SLC24A2: variants seen among roughly 807,000 people sequenced by gnomAD.
The protein encoded by SLC24A2 is solute carrier family 24 member 2, also known as sodium/potassium/calcium exchanger 2.
SLC24A2 carries 36 observed loss-of-function variants against 62.0 expected under a neutral mutation model. That is an observed-to-expected ratio of 0.58 (90% CI 0.44 to 0.77). The LOEUF (loss-of-function observed/expected upper bound fraction) is 0.77, where lower values mean the gene tolerates loss of function less well. Ranked by LOEUF, SLC24A2 falls within the 30% of genes least tolerant of loss-of-function variation. SLC24A2 has a pLI of 0.00. For synonymous variants in SLC24A2, 358 were observed against 294.0 expected (o/e 1.22, Z -2.23); for missense variants, 846 against 817.9 (o/e 1.03, Z -0.42).
chr9:19,658,014 G>A (rs1818990558), intron 2 of SLC24A2, among the ~76,000 whole-genome samples: 2 of 152,172 alleles, frequency 1.3e-5, no homozygotes, highest in Admixed American at 1.3e-4. Flanking sequence ...TGTCCTGCTA[G>A]ACTGTGAGTT....
chr9:20,073,647 T>C, the SLC24A2 span, among the ~76,000 whole-genome samples: 4 of 152,090 alleles, frequency 2.6e-5, no homozygotes, highest in Non-Finnish European at 5.9e-5. Flanking sequence ...TATTAATATG[T>C]GTATATTTAA....
chr9:19,717,974 CTTTTTTTTTT>C (rs373497951), intron 2 of SLC24A2, among the ~76,000 whole-genome samples: 2 of 135,282 alleles, frequency 1.5e-5, no homozygotes, highest in Non-Finnish European at 3.2e-5. Context: ...TGATTTAAAA[CTTTTTTTTTT>C]TTTTTTTTTT....
At chr9:20,062,790 T>G in the SLC24A2 span, among the ~76,000 whole-genome samples, 3 of 128,076 alleles carry the variant, frequency 2.3e-5, no homozygotes, top group Admixed American at 2.7e-4. Flanking sequence ...CAAACAAATT[T>G]ACAAGAAAAA....
At chr9:20,023,824 G>A in the SLC24A2 span, among the ~76,000 whole-genome samples, 3 of 152,126 alleles carry the variant, frequency 2.0e-5, no homozygotes, top group Non-Finnish European at 2.9e-5. Flanking sequence ...CTAGAAGAAG[G>A]CAAATGGTTC....
At chr9:19,781,709 A>T (rs905889243) in intron 2 of SLC24A2, among the ~76,000 whole-genome samples, 1 of 152,246 alleles carries the variant, frequency 6.6e-6, no homozygotes, top group Non-Finnish European at 1.5e-5. Context: ...TAAGAAATAC[A>T]GAGAATTAGT....
At chr9:19,947,848 G>GAAAGAAAGAAATAAAT in the SLC24A2 span, among the ~76,000 whole-genome samples, 10 of 145,450 alleles carry the variant, frequency 6.9e-5, no homozygotes, top group South Asian at 2.3e-4. Context: ...AAGAAAGAAA[G>GAAAGAAAGAAATAAAT]AAATTAGTTC....
the SLC24A2 span, among the ~76,000 whole-genome samples, chr9:20,269,384 C>T: frequency 1.3e-5 from 2 of 152,096 alleles, no homozygotes; most frequent in Admixed American, 6.5e-5. Flanking sequence ...AATCCAAATC[C>T]CCAGTGCCTC....
the SLC24A2 span, among the ~76,000 whole-genome samples, chr9:20,111,378 G>A: frequency 3.3e-5 from 5 of 152,082 alleles, no homozygotes; most frequent in African/African-American, 1.2e-4. Flanking sequence ...TGCCTCTTGA[G>A]ATCTAGGGTT....
intron 4 of SLC24A2, among the ~76,000 whole-genome samples, chr9:19,605,275 A>G (rs183091492): frequency 2.8e-4 from 42 of 152,324 alleles, no homozygotes; most frequent in Admixed American, 2.2e-3. Context: ...TTTTTTATCA[A>G]TATATTGGAA....
the SLC24A2 span, among the ~76,000 whole-genome samples, chr9:20,023,770 T>TA: frequency 7.9e-4 from 120 of 152,232 alleles, no homozygotes; most frequent in African/African-American, 2.9e-3. Context: ...GCTGTTCCTC[T>TA]AAAACAAACT....
chr9:20,101,206 A>G, the SLC24A2 span, among the ~76,000 whole-genome samples: 2 of 152,234 alleles, frequency 1.3e-5, no homozygotes, highest in Non-Finnish European at 2.9e-5. Context: ...TTTTCTGTAA[A>G]TATGTCTGAA....
At chr9:19,576,804 G>T in intron 6 of SLC24A2, 120 bp downstream of exon 6, 1 of 708,572 alleles carries the variant, frequency 1.4e-6, no homozygotes, top group Non-Finnish European at 2.5e-6. Context: ...CACAGGGAAG[G>T]GCTGTGCTGC....
At chr9:19,778,033 T>C (rs1351283077) in intron 2 of SLC24A2, among the ~76,000 whole-genome samples, 4 of 152,214 alleles carry the variant, frequency 2.6e-5, no homozygotes, top group Admixed American at 2.6e-4. Flanking sequence ...GAAACTTTAC[T>C]ATGATGGTCA....
At chr9:20,198,882 T>A in the SLC24A2 span, among the ~76,000 whole-genome samples, 55 of 152,198 alleles carry the variant, frequency 3.6e-4, no homozygotes, top group Non-Finnish European at 7.3e-4. Context: ...CTCTTTTGTG[T>A]ATGGGCACAT....
chr9:19,551,323 G>A (rs1834833687), intron 7 of SLC24A2, among the ~76,000 whole-genome samples: 1 of 152,226 alleles, frequency 6.6e-6, no homozygotes, highest in Admixed American at 6.5e-5. Flanking sequence ...CAGAGTCTCT[G>A]ACTTGGCAGC....
the SLC24A2 span, among the ~76,000 whole-genome samples, chr9:19,904,127 T>C: frequency 3.3e-5 from 5 of 152,176 alleles, no homozygotes; most frequent in Non-Finnish European, 7.3e-5. Flanking sequence ...TTGAAGTATG[T>C]GCAAGGACCA....
chr9:19,520,814 G>A (rs2132636095), intron 10 of SLC24A2, 80 bp downstream of exon 10: 5 of 1,349,950 alleles, frequency 3.7e-6, no homozygotes, highest in Non-Finnish European at 5.3e-6. Flanking sequence ...CAGAGATCCT[G>A]GTCATGTCTT....
the SLC24A2 span, among the ~76,000 whole-genome samples, chr9:20,096,597 G>A: frequency 9.9e-4 from 150 of 152,122 alleles, 1 homozygote; most frequent in East Asian, 0.024. Context: ...TTTCATAGAG[G>A]CAATGGGTTC....
the SLC24A2 span, among the ~76,000 whole-genome samples, chr9:20,172,556 G>C: frequency 2.0e-5 from 3 of 151,982 alleles, no homozygotes; most frequent in Admixed American, 1.3e-4. Context: ...GATCATTCAA[G>C]GCTACTATGA....
Sources: allele counts gnomAD v4.1 joint callset (sites outside exome capture counted in the v4.1 genomes callset), GRCh38; gene constraint gnomAD v4.1.1; transcripts MANE v1.5; gene names NCBI Gene and HGNC (gene_info 2026-07-23, HGNC 2026-07-21).